Variants in IARS1 observed in about 807,000 individuals in gnomAD.
The protein encoded by IARS1 is isoleucyl-tRNA synthetase 1.
In IARS1, 124 loss-of-function variants were observed where a neutral mutation model predicts 168.2. That is an observed-to-expected ratio of 0.74 (90% CI 0.64 to 0.86). The LOEUF is 0.86. Ranked by LOEUF, IARS1 falls within the 40% of genes least tolerant of loss-of-function variation. The pLI, the probability that IARS1 is intolerant of heterozygous loss-of-function variation, is 0.00. For synonymous variants in IARS1, 532 were observed against 529.4 expected, an observed-to-expected ratio of 1.00 and a Z score of -0.07; for missense variants, 1,452 against 1,515.8, an observed-to-expected ratio of 0.96 and a Z score of 0.70.
chr9:92,260,302 C>A, intron 17 of IARS1, 68 bp from the exon 18 acceptor site: 4 of 1,039,762 alleles, frequency 3.8e-6, no homozygotes, highest in Non-Finnish European at 6.1e-6. Context: ...TTTAAGGATA[C>A]AAATCATTTG....
intron 10 of IARS1, 71 bp downstream of exon 10, chr9:92,274,355 A>G: frequency 8.6e-7 from 1 of 1,157,678 alleles, no homozygotes; most frequent in South Asian, 1.2e-5. Context: ...ATGATGAGAC[A>G]CAGGACTCCG....
intron 29 of IARS1, 35 bp downstream of exon 29, chr9:92,242,119 C>T (rs375920827): frequency 2.5e-4 from 391 of 1,546,896 alleles, no homozygotes; most frequent in Middle Eastern, 1.7e-3. Context: ...AATCTGAAAC[C>T]CTTTAGTAGT....
intron 31 of IARS1, among the ~76,000 whole-genome samples, chr9:92,227,836 C>G (rs1204213544): frequency 1.3e-5 from 2 of 151,638 alleles, no homozygotes; most frequent in Non-Finnish European, 2.9e-5. Flanking sequence ...GGCAGAGACG[C>G]TCCTCACTTT....
At chr9:92,250,038 A>G (rs891649940) in intron 24 of IARS1, 97 bp from the exon 25 acceptor site, 5 of 899,386 alleles carry the variant, frequency 5.6e-6, no homozygotes, top group Non-Finnish European at 9.2e-6. Context: ...CTCAAGCTCT[A>G]GTCAGGCTGG....
intron 33 of IARS1, among the ~76,000 whole-genome samples, chr9:92,220,227 A>G (rs1347004607): frequency 4.3e-5 from 6 of 138,136 alleles, no homozygotes; most frequent in Admixed American, 1.5e-4. Flanking sequence ...ATGAGATCAC[A>G]TGGACACAGG....
chr9:92,241,047 T>G, intron 29 of IARS1, 86 bp from the exon 30 acceptor site: 1 of 752,972 alleles, frequency 1.3e-6, no homozygotes, highest in Non-Finnish European at 2.4e-6. Flanking sequence ...GACTTCTCAG[T>G]AACAACAAGA....
chr9:92,283,171 G>A (rs1170103197), intron 6 of IARS1, among the ~76,000 whole-genome samples: 1 of 152,188 alleles, frequency 6.6e-6, no homozygotes, highest in East Asian at 1.9e-4. Flanking sequence ...AGACCGCGTA[G>A]AATAGAGGTC....
intron 27 of IARS1, among the ~76,000 whole-genome samples, chr9:92,243,723 G>A (rs1275512283): frequency 2.6e-5 from 4 of 152,094 alleles, no homozygotes; most frequent in East Asian, 1.9e-4. Context: ...CGGCCTCAGC[G>A]CAGTCAACTC....
intron 7 of IARS1, among the ~76,000 whole-genome samples, chr9:92,279,863 G>A (rs1287298464): frequency 1.3e-5 from 2 of 152,048 alleles, no homozygotes; most frequent in Non-Finnish European, 2.9e-5. Context: ...TTCACTTCTC[G>A]ATACCTCATA....
At chr9:92,234,913 G>A (rs961763914) in intron 30 of IARS1, among the ~76,000 whole-genome samples, 8 of 150,880 alleles carry the variant, frequency 5.3e-5, no homozygotes, top group South Asian at 2.1e-4. Context: ...GCGCGATCTC[G>A]GCTCACTGCA....
chr9:92,245,359 G>A (rs1022224008), intron 26 of IARS1, among the ~76,000 whole-genome samples: 18 of 152,168 alleles, frequency 1.2e-4, no homozygotes, highest in African/African-American at 4.3e-4. Context: ...GGCACCAAGA[G>A]GCAACAAATG....
chr9:92,242,497 C>T (rs568156029), intron 28 of IARS1, 167 bp from the exon 29 acceptor site: 18 of 587,470 alleles, frequency 3.1e-5, no homozygotes, highest in African/African-American at 2.8e-4. Flanking sequence ...GCACTCAGTA[C>T]ATGATTAACT....
At chr9:92,229,358 T>TACACAC (rs113517739) in intron 30 of IARS1, among the ~76,000 whole-genome samples, 26,175 of 144,722 alleles carry the variant, frequency 0.18, 2,418 homozygotes, top group Middle Eastern at 0.27. Flanking sequence ...ATATATACAC[T>TACACAC]ACACACACAC....
chr9:92,230,265 C>A (rs944568315), intron 30 of IARS1, among the ~76,000 whole-genome samples: 1 of 152,114 alleles, frequency 6.6e-6, no homozygotes, highest in Non-Finnish European at 1.5e-5. Flanking sequence ...CACCCACAAC[C>A]ACGCCTGGCT....
intron 33 of IARS1, among the ~76,000 whole-genome samples, chr9:92,218,623 C>T (rs1262492488): frequency 1.1e-5 from 1 of 94,544 alleles, no homozygotes; most frequent in Admixed American, 9.3e-5. Context: ...CATTCTTATA[C>T]ACCAATAACA....
intron 33 of IARS1, among the ~76,000 whole-genome samples, chr9:92,212,117 A>T (rs1308868853): frequency 6.6e-6 from 1 of 152,160 alleles, no homozygotes; most frequent in Non-Finnish European, 1.5e-5. Flanking sequence ...ATGTGAGAAT[A>T]CTCTCAAAGC....
Position 92,255,145 on chromosome 9 carries a change from T to A in IARS1, c.2137+1535A>T, listed in dbSNP as rs1409514263. On this transcript the variant is annotated intron_variant, in intron 20 of 33. Coordinates refer to ENST00000443024, the MANE Select transcript of IARS1 (RefSeq NM_002161.6). The stretch of plus-strand genomic sequence containing the variant: ...ACTCACTTCCATCTTCATCTGTGTC[T>A]ATCTGAGCAACAGCTGGACTGTCGT... Among the ~76,000 whole-genome samples the A allele has an allele frequency of 3.9e-5, 6 of 152,210 alleles. No homozygotes were observed. In the East Asian group the frequency reaches 1.2e-3, roughly 29 times the overall value.
chr9:92,243,017 A>T, intron 28 of IARS1, 199 bp downstream of exon 28: 1 of 487,768 alleles, frequency 2.1e-6, no homozygotes, highest in Non-Finnish European at 3.8e-6. Context: ...GCTGGCTGAA[A>T]GCTACGACTT....
intron 19 of IARS1, among the ~76,000 whole-genome samples, chr9:92,257,993 G>A (rs906616150): frequency 3.3e-5 from 5 of 152,166 alleles, no homozygotes; most frequent in African/African-American, 7.2e-5. Flanking sequence ...ACTCCTGGGC[G>A]TGGAGGTAAC....
Sources: allele counts gnomAD v4.1 joint callset (sites outside exome capture counted in the v4.1 genomes callset), GRCh38; gene constraint gnomAD v4.1.1; transcripts MANE v1.5; gene names NCBI Gene and HGNC (gene_info 2026-07-23, HGNC 2026-07-21).